The following ANGEL2 variants were observed in gnomAD, a reference collection of about 807,000 sequenced individuals.
The protein encoded by ANGEL2 is RNA 2',3'-cyclic phosphatase ANGEL2.
Under a neutral mutation model 66.0 loss-of-function variants are expected in ANGEL2, and 41 were observed. That is an observed-to-expected ratio of 0.62 (90% confidence interval 0.48 to 0.81). The LOEUF (loss-of-function observed/expected upper bound fraction) is 0.81. ANGEL2 is among the 30% of genes least tolerant of loss of function. The probability of loss-of-function intolerance (pLI) is 0.00; values close to 1 mark genes in which losing one functional copy is unlikely to be tolerated. For missense variants in ANGEL2, 561 were observed against 641.6 expected, an observed-to-expected ratio of 0.87 and a Z score of 1.36; for synonymous variants, 208 against 226.5, an observed-to-expected ratio of 0.92 and a Z score of 0.73.
chr1:213,007,923 G>C (rs1170086063), intron 3 of ANGEL2, among the ~76,000 whole-genome samples: 1 of 150,728 alleles, frequency 6.6e-6, no homozygotes, highest in Non-Finnish European at 1.5e-5. Flanking sequence ...GATTGCAATG[G>C]TGCAATCTCA....
intron 1 of ANGEL2, among the ~76,000 whole-genome samples, 179 bp from the exon 2 acceptor site, chr1:213,013,597 C>T (rs2076564204): frequency 6.6e-6 from 1 of 152,114 alleles, no homozygotes; most frequent in Non-Finnish European, 1.5e-5. Context: ...TATCTCAATA[C>T]TCTCGTCCTA....
chr1:213,005,535 AAT>A, intron 4 of ANGEL2, 81 bp from the exon 5 acceptor site: 1 of 1,348,402 alleles, frequency 7.4e-7, no homozygotes, highest in Non-Finnish European at 1.0e-6. Context: ...ACTTCTGAAC[AAT>A]GTTTACCAAA....
chr1:212,996,640 A>AAAAAAAAAATATAT (rs56102625), intron 8 of ANGEL2, among the ~76,000 whole-genome samples: 2 of 66,478 alleles, frequency 3.0e-5, no homozygotes, highest in Non-Finnish European at 4.9e-5. Context: ...AAAAAAAAAA[A>AAAAAAAAAATATAT]ATATATATAT....
rs552772832 is a variant in ANGEL2 at position 213,008,372 on chromosome 1, G to A, written c.480C>T (p.Asp160=). ...GDKNVDPKCE[D]SENKFDFSVM... ...CTGAAAAGTCAAACTTGTTCTCACT[G>A]TCTTCACATTTGGGATCAACATTTT... Residue 160 remains aspartate (D), a synonymous_variant, in exon 3 of 9, where the codon GAC becomes GAT. Transcript: ENST00000366962. 1.3e-5 allele frequency: 21 copies of A among 1,614,144 alleles called. No homozygotes were observed. In the African/African-American group the frequency reaches 2.5e-4, roughly 19 times the overall value.
intron 3 of ANGEL2, among the ~76,000 whole-genome samples, chr1:213,007,865 CTTT>C (rs34608529): frequency 1.3e-4 from 18 of 138,086 alleles, no homozygotes; most frequent in Admixed American, 2.1e-4. Flanking sequence ...TTCTTTCTTT[CTTT>C]TTTTTTTTTT....
Position 213,000,878 on chromosome 1 carries a change from C to CT in ANGEL2, c.1168dup (p.Arg390LysfsTer21). On this transcript the variant is annotated frameshift_variant, in exon 6 of 9. Coordinates refer to ENST00000366962, the MANE Select transcript of ANGEL2 (RefSeq NM_144567.5). LOFTEE classifies it high-confidence loss of function. ...GGGCCAAATTGGAATAGATAAAATT[C>CT]TTTGTCCCCGTGAAGACTGTTCCTG... The CT allele has an allele frequency of 6.2e-7, 1 of 1,612,490 alleles. No homozygotes were observed. Among genetic ancestry groups the CT allele is most frequent in the Non-Finnish European group, 8.5e-7 (1 of 1,179,756 alleles).
At chr1:213,011,409 G>A (rs139993533) in intron 2 of ANGEL2, 64 of 1,131,024 alleles carry the variant, frequency 5.7e-5, no homozygotes, top group Admixed American at 1.8e-4. Context: ...GTGAAATATC[G>A]GAAGTCACAA....
chr1:212,996,298 T>C (rs1164359584), intron 8 of ANGEL2, among the ~76,000 whole-genome samples: 3 of 151,514 alleles, frequency 2.0e-5, no homozygotes, highest in Admixed American at 2.0e-4. Context: ...CGAGCGAGAC[T>C]CCGTCTCAAA....
chr1:212,996,640 A>AAAAAAAATATATATATAT (rs56102625), intron 8 of ANGEL2, among the ~76,000 whole-genome samples: 1 of 66,474 alleles, frequency 1.5e-5, no homozygotes, highest in African/African-American at 6.9e-5. Flanking sequence ...AAAAAAAAAA[A>AAAAAAAATATATATATAT]ATATATATAT....
In ANGEL2 at chr1:213,005,335, T is replaced by C; in HGVS notation, c.832A>G (p.Ile278Val). ...VNPVEFFRPD[I>V]SLLDRDNVGL... is the part of the protein sequence containing the mutation. ...ACATTGTCTCTGTCCAACAGAGAAA[T>C]ATCAGGGCGGAAGAATTCCACTGGG... The change falls in exon 5 of 9, where the codon ATT (isoleucine) becomes GTT (valine). Residue 278 changes from isoleucine (I) to valine (V), a missense_variant. Ile to Val is a conservative substitution (Grantham distance 29, BLOSUM62 3). Transcript: ENST00000366962. The C allele has an allele frequency of 6.2e-7, 1 of 1,614,224 alleles. No homozygotes were observed. The highest frequency in any genetic ancestry group is 1.3e-5 in the African/African-American group (1 of 75,056).
chr1:213,013,060 C>A (rs1370746621), intron 2 of ANGEL2, 33 bp downstream of exon 2: 2 of 1,585,306 alleles, frequency 1.3e-6, no homozygotes, highest in African/African-American at 2.7e-5. Flanking sequence ...TCACTTGTAT[C>A]TATTTCTACA....
intron 1 of ANGEL2, 51 bp from the exon 2 acceptor site, chr1:213,013,469 G>A (rs2148182500): frequency 6.7e-7 from 1 of 1,490,978 alleles, no homozygotes; most frequent in South Asian, 1.3e-5. Context: ...TTCAGCTATA[G>A]TTTACAAAAT....
intron 1 of ANGEL2, 84 bp downstream of exon 1, chr1:213,015,529 G>A (rs1031699267): frequency 1.1e-5 from 4 of 349,942 alleles, no homozygotes; most frequent in Non-Finnish European, 1.3e-5. Context: ...GCCCCGCCCC[G>A]CCCCGGGTTA....
intron 5 of ANGEL2, 108 bp from the exon 6 acceptor site, chr1:213,001,020 C>A (rs2076164113): frequency 9.5e-7 from 1 of 1,055,072 alleles, no homozygotes; most frequent in Middle Eastern, 3.0e-4. Flanking sequence ...TAAATTATTA[C>A]CCTTTATTCA....
At chr1:213,008,749 C>G (rs2076414223) in intron 2 of ANGEL2, among the ~76,000 whole-genome samples, 1 of 152,212 alleles carries the variant, frequency 6.6e-6, no homozygotes, top group Non-Finnish European at 1.5e-5. Flanking sequence ...TAAGACTATA[C>G]AGAGGTTGTG....
chr1:212,998,608 A>G (rs1572111628), intron 7 of ANGEL2, among the ~76,000 whole-genome samples: 1 of 126,440 alleles, frequency 7.9e-6, no homozygotes, highest in African/African-American at 3.0e-5. Flanking sequence ...TGCAACCTCC[A>G]CCTCCCAGGT....
intron 2 of ANGEL2, among the ~76,000 whole-genome samples, chr1:213,009,987 G>T (rs1250424915): frequency 6.7e-6 from 1 of 150,194 alleles, no homozygotes; most frequent in Non-Finnish European, 1.5e-5. Flanking sequence ...GGAAGCAGAG[G>T]TTGCAGTGAG....
At chr1:213,002,358 T>G (rs2076199718) in intron 5 of ANGEL2, 1 of 152,258 alleles carries the variant, frequency 6.6e-6, no homozygotes, top group African/African-American at 2.4e-5. Context: ...GCTTAAAATA[T>G]TCTATGCCAT....
chr1:213,009,590 T>G (rs1301932864), intron 2 of ANGEL2, among the ~76,000 whole-genome samples: 2 of 152,194 alleles, frequency 1.3e-5, no homozygotes, highest in Non-Finnish European at 2.9e-5. Context: ...TCCTATACAC[T>G]TATATAGAGG....
Sources: allele counts gnomAD v4.1 joint callset (sites outside exome capture counted in the v4.1 genomes callset), GRCh38; gene constraint gnomAD v4.1.1; transcripts MANE v1.5; gene names NCBI Gene and HGNC (gene_info 2026-07-23, HGNC 2026-07-21).